OR51B5: variants seen among roughly 807,000 people sequenced by gnomAD.
OR51B5 encodes the protein olfactory receptor family 51 subfamily B member 5, also known as olfactory receptor 51B5.
For synonymous variants in OR51B5, 186 were observed against 144.8 expected, an observed-to-expected ratio of 1.28 and a Z score of -2.04; for missense variants, 456 against 374.6, an observed-to-expected ratio of 1.22 and a Z score of -1.79.
In OR51B5 at chr11:5,361,890, C is replaced by G. The variant is rs715792; in HGVS notation, n.85-14980G>C. ...GCATAAACCAGCTTCCTCTTTGCCT[C>G]TATGTGTTCTACCAAGTACTTACTC... On this transcript the variant is annotated intron_variant and non_coding_transcript_variant, in intron 1 of 4. Coordinates refer to the OR51B5 transcript ENST00000415970. 3.7e-3 allele frequency among the ~76,000 whole-genome samples: 563 copies of G among 151,988 alleles called. 2 individuals are homozygous for G. The highest frequency in any genetic ancestry group is 0.013 in the African/African-American group (530 of 41,456).
intron 1 of OR51B5, among the ~76,000 whole-genome samples, chr11:5,385,642 T>C (rs897279371): frequency 3.3e-5 from 5 of 151,980 alleles, no homozygotes; most frequent in Admixed American, 6.6e-5. Flanking sequence ...AATATAAATT[T>C]ATGTTCTAAA....
intron 1 of OR51B5, among the ~76,000 whole-genome samples, chr11:5,476,533 T>A (rs1011028708): frequency 1.3e-5 from 2 of 152,220 alleles, no homozygotes; most frequent in African/African-American, 4.8e-5. Context: ...GAGCCTCCTT[T>A]GTGACTTGGT....
Position 5,481,726 on chromosome 11 carries a change from G to T in OR51B5, n.84+23843C>A, listed in dbSNP as rs1851424211. ...CTTATACACCAACAACAGACAGAGAGCCAAATCATGAGTGAACTCCCATTC... is the reference window on the plus strand; with the variant it reads ...CTTATACACCAACAACAGACAGAGATCCAAATCATGAGTGAACTCCCATTC... On this transcript the variant is annotated intron_variant and non_coding_transcript_variant, in intron 1 of 4. Coordinates refer to the OR51B5 transcript ENST00000415970. 1.8e-5 allele frequency among the ~76,000 whole-genome samples: 2 copies of T among 112,978 alleles called. 1 individual carries two copies. The highest frequency in any genetic ancestry group is 8.2e-5 in the African/African-American group (2 of 24,508). The allele number at this position is 112,978 out of a possible 152,430, so 74.1% of individuals were successfully genotyped here.
chr11:5,374,380 GA>G (rs1318988354), intron 1 of OR51B5, among the ~76,000 whole-genome samples: 2 of 152,042 alleles, frequency 1.3e-5, no homozygotes, highest in Non-Finnish European at 2.9e-5. Flanking sequence ...CAAAGTTGGG[GA>G]AAAAACAGAG....
chr11:5,486,064 G>C (rs763531857), intron 1 of OR51B5, among the ~76,000 whole-genome samples: 1 of 151,984 alleles, frequency 6.6e-6, no homozygotes, highest in African/African-American at 2.4e-5. Flanking sequence ...AAGGAGAAAG[G>C]ACTCACAAAG....
At chr11:5,344,370 G>A (rs1178612863), upstream of OR51B5, among the ~76,000 whole-genome samples, 1 of 151,510 alleles carries the variant, frequency 6.6e-6, no homozygotes, top group Non-Finnish European at 1.5e-5. Flanking sequence ...TAGGCCTACT[G>A]AAGTAATTCC....
At chr11:5,477,893 G>A (rs1590019611) in intron 1 of OR51B5, among the ~76,000 whole-genome samples, 1 of 152,014 alleles carries the variant, frequency 6.6e-6, no homozygotes, top group East Asian at 1.9e-4. Context: ...TGCTAGCACA[G>A]CAGTCTGGGA....
intron 1 of OR51B5, chr11:5,488,673 C>A: frequency 7.2e-7 from 1 of 1,385,030 alleles, no homozygotes; most frequent in Non-Finnish European, 1.0e-6. Context: ...CATAACAATA[C>A]TATTCAGAAA....
chr11:5,461,173 A>G (rs547063355), intron 1 of OR51B5, among the ~76,000 whole-genome samples: 1 of 152,296 alleles, frequency 6.6e-6, no homozygotes, highest in African/African-American at 2.4e-5. Context: ...GTGCATGCCA[A>G]TGGGATGACT....
chr11:5,488,675 A>G (rs1406333011), intron 1 of OR51B5: 1 of 1,416,440 alleles, frequency 7.1e-7, no homozygotes, highest in East Asian at 2.3e-5. Flanking sequence ...TAACAATACT[A>G]TTCAGAAAGA....
At chr11:5,390,278 T>C (rs368371816) in intron 1 of OR51B5, 2 of 1,614,014 alleles carry the variant, frequency 1.2e-6, no homozygotes, top group Non-Finnish European at 1.7e-6. Flanking sequence ...TGTCTACCTT[T>C]TTGTGCCTCC....
At position 5,441,142 on chromosome 11, in the gene OR51B5, A is replaced by C. The variant is rs1473554057; in HGVS notation, n.84+64427T>G. The C allele has an allele frequency of 3.1e-6, 5 of 1,614,036 alleles. No homozygotes were observed. The South Asian group carries it at 5.5e-5, about 18-fold the overall frequency. On this transcript the variant is annotated intron_variant and non_coding_transcript_variant, in intron 1 of 4. Transcript: ENST00000415970. ...CGTAATGGATAACAAATAGCCACAA[A>C]GCGATCCAAGCTCATGGCCAGCAGT...
intron 1 of OR51B5, chr11:5,389,932 T>C: frequency 6.2e-7 from 1 of 1,611,384 alleles, no homozygotes; most frequent in Non-Finnish European, 8.5e-7. Flanking sequence ...TGAAGGCTTT[T>C]CCCTACTGTG....
At chr11:5,434,164 CA>C (rs2061564837) in intron 1 of OR51B5, among the ~76,000 whole-genome samples, 1 of 152,146 alleles carries the variant, frequency 6.6e-6, no homozygotes, top group African/African-American at 2.4e-5. Flanking sequence ...ACCTAATTAT[CA>C]ATGTTTTAAA....
At chr11:5,417,714 C>G (rs1002133976) in intron 1 of OR51B5, among the ~76,000 whole-genome samples, 1 of 151,522 alleles carries the variant, frequency 6.6e-6, no homozygotes, top group African/African-American at 2.4e-5. Flanking sequence ...CAAATCAAAA[C>G]CACAATGAGA....
intron 1 of OR51B5, among the ~76,000 whole-genome samples, chr11:5,438,764 T>A (rs1850628169): frequency 1.3e-5 from 2 of 152,072 alleles, no homozygotes; most frequent in African/African-American, 4.8e-5. Flanking sequence ...TGTGGGGAAA[T>A]TTTGAAGCTT....
At chr11:5,433,120 C>T (rs2133770104) in intron 1 of OR51B5, among the ~76,000 whole-genome samples, 1 of 151,948 alleles carries the variant, frequency 6.6e-6, no homozygotes, top group Admixed American at 6.5e-5. Context: ...GAGTTAGAAA[C>T]AAACAGAGTT....
intron 1 of OR51B5, among the ~76,000 whole-genome samples, chr11:5,385,708 G>GTA (rs1324932469): frequency 7.0e-5 from 10 of 143,736 alleles, no homozygotes; most frequent in African/African-American, 1.3e-4. Context: ...GTTGTACAAA[G>GTA]TATATATATG....
chr11:5,383,571 C>T (rs1212064726), intron 1 of OR51B5, among the ~76,000 whole-genome samples: 1 of 152,158 alleles, frequency 6.6e-6, no homozygotes, highest in Non-Finnish European at 1.5e-5. Flanking sequence ...GAATTGACTT[C>T]TTTATGAAAT....
Sources: gnomAD v4.1 joint callset for allele counts (sites outside exome capture counted in the v4.1 genomes callset) on GRCh38, gnomAD v4.1.1 for gene constraint, MANE v1.5 for transcripts, NCBI Gene and HGNC (gene_info 2026-07-23, HGNC 2026-07-21) for gene names.